ADGRG4: variants seen among roughly 807,000 people sequenced by gnomAD.
ADGRG4 encodes the protein G protein-coupled receptor 112.
Under a neutral mutation model 126.2 loss-of-function variants are expected in ADGRG4, and 122 were observed. The observed-to-expected ratio is 0.97, with a 90% CI of 0.83 to 1.12. The LOEUF (loss-of-function observed/expected upper bound fraction) is 1.12. ADGRG4 is among the 50% of genes most tolerant of loss of function. ADGRG4 has a pLI of 0.00. For missense variants in ADGRG4, 2,481 were observed against 2,251.8 expected, an observed-to-expected ratio of 1.10 and a Z score of -2.06; for synonymous variants, 943 against 838.7, an observed-to-expected ratio of 1.12 and a Z score of -2.15.
intron 4 of ADGRG4, among the ~76,000 whole-genome samples, chrX:136,315,978 C>T (rs1569533425): frequency 8.9e-6 from 1 of 112,104 alleles, no homozygotes; most frequent in Non-Finnish European, 1.9e-5. Flanking sequence ...ACCCTGCTGA[C>T]ACCTTGACCT....
rs375387235 is a variant in ADGRG4, at chrX:136,409,499, G to T, written c.8936-2766G>T. ...TCACCCCTTGTACATGCTGAAGTTG[G>T]AGGAGTTTTGCCTGCTCTGAGACTG... On this transcript the variant is annotated intron_variant, in intron 23 of 25. Coordinates refer to ENST00000394143, the MANE Select transcript of ADGRG4 (RefSeq NM_153834.4). Among the ~76,000 whole-genome samples, 3 of 111,836 alleles carry T rather than the reference G, an allele frequency of 2.7e-5. No homozygotes were observed. In the East Asian group the frequency reaches 8.4e-4, roughly 31 times the overall value.
intron 24 of ADGRG4, among the ~76,000 whole-genome samples, chrX:136,412,725 T>A (rs914265075): frequency 8.9e-6 from 1 of 112,149 alleles, no homozygotes; most frequent in Non-Finnish European, 1.9e-5. Context: ...GTTGAGTGGA[T>A]GTAGGAAGCA....
chrX:136,384,893 T>TGA (rs1389700281), intron 15 of ADGRG4, among the ~76,000 whole-genome samples: 1 of 108,866 alleles, frequency 9.2e-6, no homozygotes, highest in Non-Finnish European at 1.9e-5. Context: ...TGCCTGGGCA[T>TGA]TTTTTTTTTC....
At chrX:136,318,240 A>G (rs1458501750) in intron 4 of ADGRG4, among the ~76,000 whole-genome samples, 1 of 112,168 alleles carries the variant, frequency 8.9e-6, no homozygotes, top group African/African-American at 3.2e-5. Context: ...CACATGGTAC[A>G]ACATGGATGA....
At chrX:136,412,027 C>T (rs1391975714) in intron 23 of ADGRG4, among the ~76,000 whole-genome samples, 1 of 112,763 alleles carries the variant, frequency 8.9e-6, no homozygotes, top group Non-Finnish European at 1.9e-5. Flanking sequence ...GGCTACCTTA[C>T]CTCTCACACT....
At chrX:136,402,329 G>A (rs937386242) in intron 21 of ADGRG4, among the ~76,000 whole-genome samples, 20 of 110,483 alleles carry the variant, frequency 1.8e-4, no homozygotes, top group Non-Finnish European at 3.0e-4. Flanking sequence ...GAAGACTGCC[G>A]CACAACTTCC....
intron 15 of ADGRG4, among the ~76,000 whole-genome samples, chrX:136,378,579 A>C (rs1196458283): frequency 2.7e-5 from 3 of 111,508 alleles, no homozygotes; most frequent in Non-Finnish European, 5.7e-5. Flanking sequence ...ATTAGGAGAA[A>C]AGTATTCACT....
chrX:136,398,587 G>T (rs1175576423), intron 20 of ADGRG4, among the ~76,000 whole-genome samples: 5 of 111,708 alleles, frequency 4.5e-5, no homozygotes, highest in African/African-American at 1.3e-4. Context: ...GTACTTCTCT[G>T]CACCCACCAG....
At chrX:136,301,901 G>A (rs2074702797) in intron 1 of ADGRG4, among the ~76,000 whole-genome samples, 2 of 111,739 alleles carry the variant, frequency 1.8e-5, no homozygotes, top group African/African-American at 3.3e-5. Flanking sequence ...CAGATATGTG[G>A]CATTATTTCT....
At chrX:136,363,445 C>G in intron 12 of ADGRG4, 32 bp from the exon 13 acceptor site, 1 of 954,292 alleles carries the variant, frequency 1.0e-6, no homozygotes, top group Admixed American at 2.2e-5. Flanking sequence ...GCCTCATCCT[C>G]TGATGAGAAA....
chrX:136,380,640 T>TCCTCCTCC, intron 15 of ADGRG4, among the ~76,000 whole-genome samples: 1 of 86,045 alleles, frequency 1.2e-5, no homozygotes. Flanking sequence ...CTTCTTCTTC[T>TCCTCCTCC]TCTTCTTCTT....
rs770352349 is a variant in ADGRG4, at chrX:136,412,281, G to A, written c.8952G>A (p.Val2984=). 6 of 1,200,440 alleles carry A rather than the reference G, an allele frequency of 5.0e-6. No homozygotes were observed. In the South Asian group the frequency reaches 7.1e-5, roughly 14 times the overall value. Residue 2984 remains valine (V), a synonymous_variant, in exon 24 of 26, where the codon GTG becomes GTA. Coordinates refer to ENST00000394143, the MANE Select transcript of ADGRG4 (RefSeq NM_153834.4). The stretch of plus-strand genomic sequence containing the variant: ...CTGGCTTAGGATTCTTCATTTTTGT[G>A]TTTCACTGTGTGATGAAGGAGAGTG... The part of the protein sequence containing the change: ...FNTLQGFFIF[V]FHCVMKESVR...
intron 4 of ADGRG4, 120 bp from the exon 5 acceptor site, chrX:136,322,658 C>T: frequency 1.9e-6 from 1 of 525,855 alleles, no homozygotes; most frequent in Non-Finnish European, 3.0e-6. Context: ...TTATTTGCAC[C>T]AGTATTGACT....
chrX:136,316,896 C>T (rs2074808202), intron 4 of ADGRG4, among the ~76,000 whole-genome samples: 1 of 111,718 alleles, frequency 9.0e-6, no homozygotes, highest in African/African-American at 3.3e-5. Flanking sequence ...AGTATACAGT[C>T]CAGAACTTCT....
At chrX:136,314,834 A>G (rs1409587837) in intron 4 of ADGRG4, among the ~76,000 whole-genome samples, 1 of 112,512 alleles carries the variant, frequency 8.9e-6, no homozygotes, top group Non-Finnish European at 1.9e-5. Flanking sequence ...ATGCTCAGTG[A>G]CCATCACTGT....
intron 4 of ADGRG4, 116 bp downstream of exon 4, chrX:136,308,963 AC>A: frequency 2.1e-6 from 1 of 478,744 alleles, no homozygotes; most frequent in Non-Finnish European, 3.6e-6. Context: ...CTTAATGGTC[AC>A]CTTTTGGTCA....
chrX:136,342,879 A>AGTGTGTGTGTGT (rs58303622), intron 5 of ADGRG4, among the ~76,000 whole-genome samples: 4 of 87,378 alleles, frequency 4.6e-5, no homozygotes, highest in African/African-American at 1.3e-4. Flanking sequence ...AAGAGAGCTC[A>AGTGTGTGTGTGT]GTGTGTGTGT....
In ADGRG4 at chrX:136,345,101, A is replaced by G. The variant is rs1273369049; in HGVS notation, c.1395A>G (p.Ser465=). The G allele has an allele frequency of 1.7e-6, 2 of 1,208,462 alleles. No individual in the cohort carries two copies. The highest frequency in any genetic ancestry group is 3.0e-5 in the East Asian group (1 of 33,762). ...SPASTHVGTA[S]SFPPEPVLIS... Reference sequence around the variant, plus strand: ...CATCTACTCATGTTGGGACTGCATCATCATTCCCACCTGAGCCTGTGCTCA... The same window carrying G: ...CATCTACTCATGTTGGGACTGCATCGTCATTCCCACCTGAGCCTGTGCTCA... The change falls in exon 6 of 26, where the codon TCA becomes TCG. Residue 465 remains serine, a synonymous_variant. Coordinates refer to ENST00000394143, the MANE Select transcript of ADGRG4 (RefSeq NM_153834.4).
rs2075041528 is a variant in ADGRG4 at position 136,349,144 on chromosome X, C to A, written c.5438C>A (p.Ser1813Tyr). The A allele has an allele frequency of 8.4e-7, 1 of 1,196,654 alleles. No homozygotes were observed. Among genetic ancestry groups the A allele is most frequent in the Non-Finnish European group, 1.1e-6 (1 of 882,148 alleles). ...EKTSLTNYAT[S>Y]LNTPVSYPPW... is the part of the protein sequence containing the mutation. Reference sequence around the variant, plus strand: ...ACTTCCTTAACAAACTATGCCACATCTTTGAATACCCCTGTTTCATACCCT... The same window carrying A: ...ACTTCCTTAACAAACTATGCCACATATTTGAATACCCCTGTTTCATACCCT... The change falls in exon 6 of 26, where the codon TCT becomes TAT. Residue 1813 changes from serine to tyrosine, a missense_variant. By Grantham distance (144) the Ser-to-Tyr change is moderately radical. Transcript: ENST00000394143.
Sources: gnomAD v4.1 joint callset for allele counts (sites outside exome capture counted in the v4.1 genomes callset) on GRCh38, gnomAD v4.1.1 for gene constraint, MANE v1.5 for transcripts, NCBI Gene and HGNC (gene_info 2026-07-23, HGNC 2026-07-21) for gene names.